The following GRIA1 variants were observed in gnomAD, a reference collection of about 807,000 sequenced individuals.
The protein encoded by GRIA1 is glutamate receptor 1.
GRIA1 carries 31 observed loss-of-function variants against 99.2 expected under a neutral mutation model. The observed-to-expected ratio is 0.31, with a 90% CI of 0.23 to 0.42. GRIA1 has a LOEUF of 0.42. Among genes scored for constraint, GRIA1 ranks in the 10% least tolerant of loss-of-function variants. The pLI, the probability that GRIA1 is intolerant of heterozygous loss-of-function variation, is 1.00. For missense variants in GRIA1, 782 were observed against 1,157.5 expected, an observed-to-expected ratio of 0.68 and a Z score of 4.71; for synonymous variants, 438 against 432.4, an observed-to-expected ratio of 1.01 and a Z score of -0.16.
upstream of GRIA1, chr5:153,490,574 G>A: frequency 4.5e-6 from 2 of 443,144 alleles, no homozygotes; most frequent in South Asian, 4.5e-5. Context: ...GAGAGAGCAA[G>A]GGAGGGAGAG....
chr5:153,795,724 C>T, intron 14 of GRIA1: 1 of 564,964 alleles, frequency 1.8e-6, no homozygotes, highest in African/African-American at 1.9e-5. Flanking sequence ...GTCCAAGAGT[C>T]CAGGCAGGGT....
chr5:153,705,034 T>A (rs1758791581), intron 10 of GRIA1, among the ~76,000 whole-genome samples: 1 of 152,242 alleles, frequency 6.6e-6, no homozygotes, highest in Non-Finnish European at 1.5e-5. Context: ...AGAAACCCAA[T>A]TCAAACTGAC....
At chr5:153,702,411 C>A (rs552964753) in intron 10 of GRIA1, among the ~76,000 whole-genome samples, 2 of 152,362 alleles carry the variant, frequency 1.3e-5, no homozygotes, top group South Asian at 2.1e-4. Context: ...CCCTGTGAAA[C>A]AAGGAACGTG....
chr5:153,605,339 T>A (rs1765352117), intron 2 of GRIA1, among the ~76,000 whole-genome samples: 1 of 152,260 alleles, frequency 6.6e-6, no homozygotes, highest in African/African-American at 2.4e-5. Context: ...AGGTGTAGTT[T>A]ACTCATTTTC....
At chr5:153,502,188 C>A (rs1292947352) in intron 2 of GRIA1, among the ~76,000 whole-genome samples, 1 of 152,180 alleles carries the variant, frequency 6.6e-6, no homozygotes, top group East Asian at 1.9e-4. Context: ...GTTTTACTCA[C>A]CTTGTCACTT....
intron 2 of GRIA1, among the ~76,000 whole-genome samples, chr5:153,606,774 T>C (rs1159471337): frequency 6.6e-6 from 1 of 151,844 alleles, no homozygotes; most frequent in Non-Finnish European, 1.5e-5. Context: ...CTACAGTTTT[T>C]CTTTCTGTGA....
intron 11 of GRIA1, among the ~76,000 whole-genome samples, chr5:153,743,719 CTGTCT>C (rs1483694984): frequency 2.0e-5 from 3 of 152,184 alleles, no homozygotes; most frequent in Non-Finnish European, 2.9e-5. Context: ...GATAATGTTC[CTGTCT>C]TAAGTTCAAC....
In GRIA1 at chr5:153,596,991, C is replaced by T. The variant is rs188067033; in HGVS notation, c.221-49937C>T. Among the ~76,000 whole-genome samples the T allele has an allele frequency of 1.0e-3, 159 of 152,302 alleles. 4 individuals are homozygous for T. The East Asian group carries it at 0.027, about 25-fold the overall frequency. On this transcript the variant is annotated intron_variant, in intron 2 of 15. Coordinates refer to ENST00000285900, the MANE Select transcript of GRIA1 (RefSeq NM_000827.4). ...GGAATGGTCTGAGCTCACCCGGTCC[C>T]GTGGCCTCCCCAGGCATTCTGCACA...
At position 153,721,203 on chromosome 5, in the gene GRIA1, A is replaced by C. The variant is rs10080057; in HGVS notation, c.1823+15136A>C. Among the ~76,000 whole-genome samples, 652 of 152,332 alleles carry C rather than the reference A, an allele frequency of 4.3e-3. 3 individuals carry two copies. Among genetic ancestry groups the C allele is most frequent in the African/African-American group, 0.015 (617 of 41,552 alleles). ...ACACAGCAGATTCATATTCATGGTG[A>C]TGCTTGTTTTTATTTAACTTCAACC... is the stretch of plus-strand genomic sequence containing the variant. On this transcript the variant is annotated intron_variant, in intron 11 of 15. Transcript: ENST00000285900.
At chr5:153,536,368 A>G (rs1561621035) in intron 2 of GRIA1, among the ~76,000 whole-genome samples, 1 of 152,094 alleles carries the variant, frequency 6.6e-6, no homozygotes, top group African/African-American at 2.4e-5. Flanking sequence ...CTCCACAAGA[A>G]TTAGCCTTCC....
chr5:153,744,254 T>C (rs868779346), intron 11 of GRIA1, among the ~76,000 whole-genome samples: 3 of 152,312 alleles, frequency 2.0e-5, no homozygotes, highest in Middle Eastern at 3.4e-3. Flanking sequence ...AGTGGAAACC[T>C]GTCTAGATCT....
chr5:153,593,365 G>A (rs892392201), intron 2 of GRIA1, among the ~76,000 whole-genome samples: 5 of 152,156 alleles, frequency 3.3e-5, no homozygotes, highest in Admixed American at 2.6e-4. Flanking sequence ...ATGAATTTGT[G>A]TAGGGGGCAC....
intron 8 of GRIA1, among the ~76,000 whole-genome samples, chr5:153,687,330 G>A (rs2149498367): frequency 6.6e-6 from 1 of 152,242 alleles, no homozygotes; most frequent in South Asian, 2.1e-4. Context: ...TGGGGTTCCG[G>A]ATAATTTATT....
intron 2 of GRIA1, among the ~76,000 whole-genome samples, chr5:153,533,214 A>T (rs192906148): frequency 1.5e-4 from 23 of 152,294 alleles, no homozygotes; most frequent in African/African-American, 5.5e-4. Context: ...GGGTCAGGCA[A>T]GTATCGTGAA....
At chr5:153,614,291 C>T (rs1415068509) in intron 2 of GRIA1, among the ~76,000 whole-genome samples, 4 of 152,158 alleles carry the variant, frequency 2.6e-5, no homozygotes, top group African/African-American at 4.8e-5. Context: ...ATGTTTTCCC[C>T]GCCCCTCAAT....
intron 13 of GRIA1, 128 bp downstream of exon 13, chr5:153,770,543 C>A: frequency 1.2e-6 from 1 of 867,008 alleles, no homozygotes; most frequent in Non-Finnish European, 1.8e-6. Flanking sequence ...TCTTCAACAC[C>A]TATGGGCCTG....
chr5:153,746,896 G>T (rs915348932), intron 11 of GRIA1, among the ~76,000 whole-genome samples: 1 of 152,160 alleles, frequency 6.6e-6, no homozygotes, highest in Admixed American at 6.5e-5. Flanking sequence ...AGAAAGGAGG[G>T]TGGTGACCCT....
chr5:153,689,856 G>C (rs1335547413), intron 8 of GRIA1, among the ~76,000 whole-genome samples: 1 of 152,176 alleles, frequency 6.6e-6, no homozygotes, highest in East Asian at 1.9e-4. Context: ...TTGACAAACT[G>C]TCCTTTGGTA....
At chr5:153,565,413 T>C (rs1298486700) in intron 2 of GRIA1, among the ~76,000 whole-genome samples, 1 of 152,224 alleles carries the variant, frequency 6.6e-6, no homozygotes, top group Non-Finnish European at 1.5e-5. Flanking sequence ...AATAGCAATT[T>C]CTATAGCTGT....
Sources: gnomAD v4.1 joint callset for allele counts (sites outside exome capture counted in the v4.1 genomes callset) on GRCh38, gnomAD v4.1.1 for gene constraint, MANE v1.5 for transcripts, NCBI Gene and HGNC (gene_info 2026-07-23, HGNC 2026-07-21) for gene names.